The following MAP2K4 variants were observed in gnomAD, a reference collection of about 807,000 sequenced individuals.
MAP2K4 encodes the protein mitogen-activated protein kinase kinase 4.
MAP2K4 carries 4 observed loss-of-function variants against 48.5 expected under a neutral mutation model. The observed-to-expected ratio is 0.08, with a 90% CI of 0.04 to 0.19. The LOEUF is 0.19. Ranked by LOEUF, MAP2K4 falls within the 10% of genes least tolerant of loss-of-function variation. The pLI is 1.00. For synonymous variants in MAP2K4, 166 were observed against 173.1 expected (o/e 0.96, Z 0.32); for missense variants, 258 against 493.3 (o/e 0.52, Z 4.52).
chr17:12,054,365 A>G (rs917746497), intron 1 of MAP2K4, among the ~76,000 whole-genome samples: 1 of 152,114 alleles, frequency 6.6e-6, no homozygotes, highest in African/African-American at 2.4e-5. Context: ...TCCTACCCTA[A>G]AGAAACAGCT....
At chr17:12,127,565 G>T (rs201725683) in intron 8 of MAP2K4, among the ~76,000 whole-genome samples, 1 of 152,064 alleles carries the variant, frequency 6.6e-6, no homozygotes, top group Admixed American at 6.6e-5. Context: ...CTTACAGTTG[G>T]TTCATAATTT....
intron 4 of MAP2K4, among the ~76,000 whole-genome samples, chr17:12,107,107 A>G (rs1303436104): frequency 6.6e-6 from 1 of 152,182 alleles, no homozygotes; most frequent in Non-Finnish European, 1.5e-5. Context: ...CAGTTTAATT[A>G]TAGCCAGCAT....
intron 9 of MAP2K4, 129 bp downstream of exon 9, chr17:12,129,416 G>T: frequency 9.5e-7 from 1 of 1,052,584 alleles, no homozygotes. Flanking sequence ...TTTTCAAGCT[G>T]GGACTCTGGA....
At position 12,081,800 on chromosome 17, in the gene MAP2K4, A is replaced by G; in HGVS notation, c.393+270A>G. 1 of 483,876 alleles carries G rather than the reference A, an allele frequency of 2.1e-6. No individual in the cohort carries two copies. The highest frequency in any genetic ancestry group is 4.1e-6 in the Non-Finnish European group (1 of 246,326). 30.0% of individuals were successfully genotyped at this position (483,876 alleles called of 1,614,324 possible). ...CATGTTTTAAACTTCAGGCCCTTCTACTGCCAAGGTGAGTTCAGGCTGGGC... is the reference window on the plus strand; with the variant it reads ...CATGTTTTAAACTTCAGGCCCTTCTGCTGCCAAGGTGAGTTCAGGCTGGGC... On this transcript the variant is annotated intron_variant, in intron 3 of 10. Coordinates refer to ENST00000353533, the MANE Select transcript of MAP2K4 (RefSeq NM_003010.4). This position sits in a 1 kb window ranked among gnomAD's most constrained non-coding sequence, Gnocchi z 4.2.
intron 1 of MAP2K4, among the ~76,000 whole-genome samples, chr17:12,032,524 A>G (rs1969472520): frequency 6.6e-6 from 1 of 152,100 alleles, no homozygotes; most frequent in Non-Finnish European, 1.5e-5. Context: ...AGGTATTTAG[A>G]TGTATATAAT....
At chr17:12,113,028 C>G (rs1972358007) in intron 6 of MAP2K4, 1 of 422,006 alleles carries the variant, frequency 2.4e-6, no homozygotes, top group Non-Finnish European at 4.3e-6. Flanking sequence ...TACATTTACA[C>G]AATTATAGTT....
intron 3 of MAP2K4, among the ~76,000 whole-genome samples, chr17:12,085,730 G>C (rs1054654585): frequency 6.6e-6 from 1 of 152,190 alleles, no homozygotes; most frequent in East Asian, 1.9e-4. Flanking sequence ...CCTGATGCTT[G>C]ATAGTAAGGA....
intron 9 of MAP2K4, among the ~76,000 whole-genome samples, chr17:12,132,582 G>A (rs1973063027): frequency 1.3e-5 from 2 of 151,224 alleles, no homozygotes; most frequent in East Asian, 3.9e-4. Context: ...TTTTCTGTAT[G>A]TCTGCTTCGA....
intron 4 of MAP2K4, among the ~76,000 whole-genome samples, chr17:12,100,820 G>T (rs1971913775): frequency 6.6e-6 from 1 of 152,046 alleles, no homozygotes; most frequent in South Asian, 2.1e-4. Flanking sequence ...TAACAGTGTT[G>T]AATGTCTTTT....
intron 3 of MAP2K4, among the ~76,000 whole-genome samples, chr17:12,091,330 C>G (rs1971556597): frequency 6.6e-6 from 1 of 152,162 alleles, no homozygotes; most frequent in Non-Finnish European, 1.5e-5. Context: ...TGGGACATTT[C>G]TATATGATTG....
At chr17:12,093,135 G>A (rs1475802571) in intron 3 of MAP2K4, among the ~76,000 whole-genome samples, 2 of 152,214 alleles carry the variant, frequency 1.3e-5, no homozygotes, top group African/African-American at 2.4e-5. Flanking sequence ...CAGAGAATGT[G>A]GGGAGGTGTT....
rs990926926 is a variant in MAP2K4, at chr17:12,065,284, A to ATTATTATTATTC, written c.218+10301_218+10302insATTCTTATTATT. 3.5e-5 allele frequency among the ~76,000 whole-genome samples: 5 copies of ATTATTATTATTC among 142,792 alleles called. 1 individual carries two copies. Among genetic ancestry groups the ATTATTATTATTC allele is most frequent in the Non-Finnish European group, 3.0e-5 (2 of 65,788 alleles). The allele number at this position is 142,792 out of a possible 152,430, so 93.7% of individuals were successfully genotyped here. A position where few individuals can be genotyped will look rare whatever the true frequency, so the allele number is the denominator to read the frequency against. ...TATTATTATTATTATTATTATTATT[A>ATTATTATTATTC]TTATTATTGGTGTTTGTTGTTTTTT... On this transcript the variant is annotated intron_variant, in intron 2 of 10. Transcript: ENST00000353533.
intron 1 of MAP2K4, among the ~76,000 whole-genome samples, chr17:12,053,591 A>G (rs370295014): frequency 1.3e-5 from 2 of 150,648 alleles, no homozygotes; most frequent in African/African-American, 4.9e-5. Context: ...TTCCTAGTGT[A>G]CCCTTTGCAC....
chr17:12,069,837 A>G, intron 2 of MAP2K4: 1 of 469,042 alleles, frequency 2.1e-6, no homozygotes, highest in Non-Finnish European at 3.8e-6. Context: ...GAACAGTTGC[A>G]GTGATGTGCA....
chr17:12,115,850 A>G (rs1310531619), intron 7 of MAP2K4: 4 of 697,872 alleles, frequency 5.7e-6, no homozygotes, highest in South Asian at 1.4e-5. Context: ...GAATAAAACC[A>G]TGTACTGCAT....
chr17:12,108,307 C>G (rs1972191516), intron 5 of MAP2K4, among the ~76,000 whole-genome samples: 1 of 152,038 alleles, frequency 6.6e-6, no homozygotes. Context: ...AGTTTGTTTA[C>G]TGTGATTTAA....
chr17:12,052,184 G>T (rs1970162921), intron 1 of MAP2K4, among the ~76,000 whole-genome samples: 1 of 152,108 alleles, frequency 6.6e-6, no homozygotes, highest in South Asian at 2.1e-4. Flanking sequence ...AGTGATCTTT[G>T]CTTGGAAAGG....
At chr17:12,070,476 C>G (rs117847604) in intron 2 of MAP2K4, among the ~76,000 whole-genome samples, 151 of 152,144 alleles carry the variant, frequency 9.9e-4, no homozygotes, top group Non-Finnish European at 1.9e-3. Context: ...TGAAATGTAT[C>G]TTGAGATTAA....
chr17:12,027,402 G>T (rs1415987264), intron 1 of MAP2K4, among the ~76,000 whole-genome samples: 1 of 151,984 alleles, frequency 6.6e-6, no homozygotes, highest in African/African-American at 2.4e-5. Flanking sequence ...GAGCTATATT[G>T]TATTTCATTT....
Sources: gnomAD v4.1 joint callset for allele counts (sites outside exome capture counted in the v4.1 genomes callset) on GRCh38, gnomAD v4.1.1 for gene constraint, Gnocchi (gnomAD v3.1) non-coding constraint, MANE v1.5 for transcripts, NCBI Gene and HGNC (gene_info 2026-07-23, HGNC 2026-07-21) for gene names.